The following MAF variants were observed in gnomAD, a reference collection of about 807,000 sequenced individuals.
MAF encodes transcription factor Maf.
A neutral mutation model predicts 22.0 loss-of-function variants in MAF; 10 were observed. The ratio of observed to expected loss-of-function variants is 0.45; its 90% CI spans 0.28 to 0.77. MAF has a LOEUF of 0.77. MAF is among the 30% of genes least tolerant of loss of function. The pLI is 0.12. For synonymous variants in MAF, 337 were observed against 255.8 expected, an observed-to-expected ratio of 1.32 and a Z score of -3.03; for missense variants, 544 against 548.4, an observed-to-expected ratio of 0.99 and a Z score of 0.08.
the MAF span, among the ~76,000 whole-genome samples, chr16:79,351,447 G>T: frequency 6.6e-6 from 1 of 152,102 alleles, no homozygotes; most frequent in African/African-American, 2.4e-5. Flanking sequence ...TATTGTTGTT[G>T]TGTCATTTTG....
At chr16:79,439,601 A>C in the MAF span, among the ~76,000 whole-genome samples, 1 of 152,166 alleles carries the variant, frequency 6.6e-6, no homozygotes, top group Non-Finnish European at 1.5e-5. Context: ...TCTGGATAAG[A>C]AAACAAAGGT....
At chr16:79,331,558 A>C in the MAF span, among the ~76,000 whole-genome samples, 4 of 152,184 alleles carry the variant, frequency 2.6e-5, no homozygotes, top group African/African-American at 9.7e-5. Context: ...CGCTCTTCTT[A>C]CACGAGCCAC....
chr16:79,348,670 C>G, the MAF span, among the ~76,000 whole-genome samples: 1 of 152,180 alleles, frequency 6.6e-6, no homozygotes, highest in Non-Finnish European at 1.5e-5. Context: ...TGGCTTGGGC[C>G]CAGTGACATC....
the MAF span, among the ~76,000 whole-genome samples, chr16:79,216,634 T>A: frequency 6.6e-6 from 1 of 152,194 alleles, no homozygotes; most frequent in Non-Finnish European, 1.5e-5. Context: ...AAAGGTAGGC[T>A]GGGCTATGCT....
the MAF span, among the ~76,000 whole-genome samples, chr16:79,337,721 A>G: frequency 6.6e-6 from 1 of 152,158 alleles, no homozygotes; most frequent in African/African-American, 2.4e-5. Context: ...ATATACACAC[A>G]AGCACACGTG....
At chr16:79,495,693 G>C in the MAF span, among the ~76,000 whole-genome samples, 1 of 152,090 alleles carries the variant, frequency 6.6e-6, no homozygotes, top group African/African-American at 2.4e-5. Flanking sequence ...TACTATCTCA[G>C]AATTTTGATG....
chr16:79,595,193 T>C, intron 1 of MAF: 3 of 1,040,526 alleles, frequency 2.9e-6, no homozygotes, highest in Non-Finnish European at 3.5e-6. Flanking sequence ...TGAGGGGAGG[T>C]TTACTATTAA....
chr16:79,317,171 T>C, the MAF span, among the ~76,000 whole-genome samples: 12 of 139,824 alleles, frequency 8.6e-5, no homozygotes, highest in African/African-American at 3.2e-4. Context: ...CTTCTTTCCT[T>C]CCTTCCTTGC....
chr16:79,344,932 TG>T, the MAF span, among the ~76,000 whole-genome samples: 5 of 152,224 alleles, frequency 3.3e-5, no homozygotes, highest in Non-Finnish European at 4.4e-5. Flanking sequence ...TTGTGAAGAA[TG>T]TAATTAAAAA....
the MAF span, among the ~76,000 whole-genome samples, chr16:79,398,992 G>A: frequency 6.6e-6 from 1 of 152,162 alleles, no homozygotes; most frequent in Non-Finnish European, 1.5e-5. Flanking sequence ...GTTCCAAAGG[G>A]CCGGGAGAGA....
At chr16:79,326,859 G>A in the MAF span, among the ~76,000 whole-genome samples, 1 of 152,210 alleles carries the variant, frequency 6.6e-6, no homozygotes, top group Non-Finnish European at 1.5e-5. Flanking sequence ...AGAGACACAG[G>A]GTAGTATCTG....
chr16:79,332,182 A>G, the MAF span, among the ~76,000 whole-genome samples: 1 of 152,238 alleles, frequency 6.6e-6, no homozygotes, highest in Admixed American at 6.5e-5. Flanking sequence ...TTGAATGCGT[A>G]CCATTTACTA....
At chr16:79,338,093 C>T in the MAF span, among the ~76,000 whole-genome samples, 4 of 152,168 alleles carry the variant, frequency 2.6e-5, no homozygotes, top group South Asian at 2.1e-4. Context: ...ACAAAACATA[C>T]ACGCAAGTCA....
the MAF span, among the ~76,000 whole-genome samples, chr16:79,222,768 A>G: frequency 6.6e-6 from 1 of 152,330 alleles, no homozygotes; most frequent in Admixed American, 6.5e-5. Context: ...ATCAAAAGAG[A>G]CAAAGAAGGG....
the MAF span, among the ~76,000 whole-genome samples, chr16:79,425,122 T>C: frequency 1.3e-5 from 2 of 152,330 alleles, no homozygotes; most frequent in South Asian, 4.1e-4. Flanking sequence ...ATCGTATTAA[T>C]TATTCTGTTA....
At chr16:79,299,455 A>G in the MAF span, among the ~76,000 whole-genome samples, 10 of 152,326 alleles carry the variant, frequency 6.6e-5, no homozygotes, top group East Asian at 1.9e-3. Context: ...AAGGTCCTAA[A>G]TGCCAGGCCT....
chr16:79,469,091 C>G, the MAF span, among the ~76,000 whole-genome samples: 73 of 152,304 alleles, frequency 4.8e-4, no homozygotes, highest in Non-Finnish European at 9.7e-4. Flanking sequence ...AAGGGCCCAA[C>G]TCATGCGTTC....
At chr16:79,373,188 T>C in the MAF span, among the ~76,000 whole-genome samples, 90 of 152,130 alleles carry the variant, frequency 5.9e-4, no homozygotes, top group African/African-American at 2.0e-3. Flanking sequence ...AGGGAACTGC[T>C]ATGGTTTGAA....
At chr16:79,424,589 C>T in the MAF span, among the ~76,000 whole-genome samples, 1 of 152,082 alleles carries the variant, frequency 6.6e-6, no homozygotes, top group Non-Finnish European at 1.5e-5. Context: ...TAAATGTTTC[C>T]ATGTTTCTGT....
Sources: gnomAD v4.1 joint callset for allele counts (sites outside exome capture counted in the v4.1 genomes callset) on GRCh38, gnomAD v4.1.1 for gene constraint, MANE v1.5 for transcripts, NCBI Gene and HGNC (gene_info 2026-07-23, HGNC 2026-07-21) for gene names.